The following GPM6A variants were observed in gnomAD, a reference collection of about 807,000 sequenced individuals.
GPM6A encodes glycoprotein M6A.
Under a neutral mutation model 32.1 loss-of-function variants are expected in GPM6A, and 7 were observed. The observed-to-expected ratio is 0.22, with a 90% CI of 0.12 to 0.41. The LOEUF is 0.41. GPM6A is among the 10% of genes least tolerant of loss of function. The pLI, the probability that GPM6A is intolerant of heterozygous loss-of-function variation, is 1.00. For missense variants in GPM6A, 235 were observed against 347.2 expected, an observed-to-expected ratio of 0.68 and a Z score of 2.57; for synonymous variants, 130 against 123.4, an observed-to-expected ratio of 1.05 and a Z score of -0.35.
intron 1 of GPM6A, among the ~76,000 whole-genome samples, chr4:175,773,891 A>G (rs971340513): frequency 6.6e-6 from 1 of 152,170 alleles, no homozygotes; most frequent in African/African-American, 2.4e-5. Flanking sequence ...CAATACACAA[A>G]TTGTCAAACC....
chr4:175,805,129 T>A (rs972058646), intron 1 of GPM6A, among the ~76,000 whole-genome samples: 5 of 151,848 alleles, frequency 3.3e-5, no homozygotes, highest in Non-Finnish European at 7.4e-5. Context: ...CTCAAAAAAT[T>A]TTTTTTTCAA....
At chr4:175,919,507 C>A (rs1165966822) in intron 1 of GPM6A, among the ~76,000 whole-genome samples, 1 of 152,158 alleles carries the variant, frequency 6.6e-6, no homozygotes, top group Non-Finnish European at 1.5e-5. Flanking sequence ...TTAATTAAAA[C>A]CATCAGTGAA....
At chr4:175,980,350 C>T (rs906347823) in intron 1 of GPM6A, among the ~76,000 whole-genome samples, 1 of 152,112 alleles carries the variant, frequency 6.6e-6, no homozygotes, top group African/African-American at 2.4e-5. Context: ...GAGTGAGACC[C>T]TGTCTCAAAA....
chr4:175,930,671 T>A (rs1454219059), intron 1 of GPM6A, among the ~76,000 whole-genome samples: 2 of 152,110 alleles, frequency 1.3e-5, no homozygotes, highest in Non-Finnish European at 2.9e-5. Context: ...ATTCAAATAA[T>A]TTGAAGACTT....
intron 1 of GPM6A, among the ~76,000 whole-genome samples, chr4:175,819,804 A>G (rs942672939): frequency 6.6e-6 from 1 of 152,194 alleles, no homozygotes; most frequent in Non-Finnish European, 1.5e-5. Flanking sequence ...CACAACATGA[A>G]TATTTGTATT....
At chr4:175,745,782 G>T (rs4146675) in intron 1 of GPM6A, among the ~76,000 whole-genome samples, 52,490 of 152,128 alleles carry the variant, frequency 0.35, 11,196 homozygotes, top group Non-Finnish European at 0.47. Context: ...CAAGGTGTAC[G>T]TTGCGAAGTA....
At chr4:175,721,566 G>C (rs2111116944) in intron 1 of GPM6A, among the ~76,000 whole-genome samples, 1 of 152,200 alleles carries the variant, frequency 6.6e-6, no homozygotes, top group East Asian at 1.9e-4. Context: ...TACAGCTGCT[G>C]TACAAACTTA....
chr4:175,810,071 C>A (rs1734854573), intron 1 of GPM6A, among the ~76,000 whole-genome samples: 1 of 152,144 alleles, frequency 6.6e-6, no homozygotes, highest in African/African-American at 2.4e-5. Context: ...AGAACTAACA[C>A]AAAATGCTGC....
intron 1 of GPM6A, among the ~76,000 whole-genome samples, chr4:175,765,913 G>A (rs542293112): frequency 1.3e-4 from 20 of 152,162 alleles, no homozygotes; most frequent in Admixed American, 5.2e-4. Context: ...ACCATTCTCC[G>A]TTTAACAACG....
intron 1 of GPM6A, among the ~76,000 whole-genome samples, chr4:175,762,401 A>G (rs1359657869): frequency 6.6e-6 from 1 of 152,180 alleles, no homozygotes; most frequent in South Asian, 2.1e-4. Flanking sequence ...ACCCAACAAC[A>G]TTTAGACTAG....
At chr4:175,817,715 G>A (rs780320350) in intron 1 of GPM6A, among the ~76,000 whole-genome samples, 1 of 152,170 alleles carries the variant, frequency 6.6e-6, no homozygotes, top group Non-Finnish European at 1.5e-5. Flanking sequence ...AATACATGAA[G>A]GCCTATGGAG....
intron 1 of GPM6A, among the ~76,000 whole-genome samples, chr4:175,758,078 C>A (rs915097999): frequency 4.6e-5 from 7 of 152,126 alleles, no homozygotes; most frequent in African/African-American, 1.7e-4. Flanking sequence ...AGGCCTCTGC[C>A]AGTTGTGGCC....
chr4:175,705,038 T>C (rs1258676390), intron 1 of GPM6A, among the ~76,000 whole-genome samples: 1 of 152,224 alleles, frequency 6.6e-6, no homozygotes, highest in Non-Finnish European at 1.5e-5. Context: ...TTCTCCACTC[T>C]ACTTTAAATG....
chr4:175,925,088 T>C (rs576793616), intron 1 of GPM6A, among the ~76,000 whole-genome samples: 3 of 152,316 alleles, frequency 2.0e-5, no homozygotes, highest in African/African-American at 7.2e-5. Flanking sequence ...CCAGGGATCA[T>C]AATAATTACT....
chr4:175,989,920 T>C (rs1027960927), intron 1 of GPM6A, among the ~76,000 whole-genome samples: 1 of 152,204 alleles, frequency 6.6e-6, no homozygotes, highest in Non-Finnish European at 1.5e-5. Flanking sequence ...ACGAAGGCCA[T>C]GTGGCATAGC....
chr4:175,905,623 T>G (rs1423849299), intron 1 of GPM6A, among the ~76,000 whole-genome samples: 1 of 152,108 alleles, frequency 6.6e-6, no homozygotes, highest in African/African-American at 2.4e-5. Flanking sequence ...GGTAGAAGTC[T>G]TTTCAATGTT....
intron 1 of GPM6A, among the ~76,000 whole-genome samples, chr4:175,872,260 T>G (rs1351405798): frequency 3.3e-5 from 5 of 152,200 alleles, no homozygotes; most frequent in African/African-American, 1.2e-4. Flanking sequence ...GAACCAACTC[T>G]GCACCGTGGT....
chr4:175,859,593 C>CA (rs1392661958), intron 1 of GPM6A, among the ~76,000 whole-genome samples: 2 of 152,082 alleles, frequency 1.3e-5, no homozygotes, highest in African/African-American at 2.4e-5. Context: ...AATGTCCTTC[C>CA]ATGCTACAGA....
At chr4:175,946,354 C>T (rs1739606137) in intron 1 of GPM6A, among the ~76,000 whole-genome samples, 1 of 152,174 alleles carries the variant, frequency 6.6e-6, no homozygotes, top group Non-Finnish European at 1.5e-5. Flanking sequence ...ATATCAAGCA[C>T]CTGCCTTGTG....
Sources: allele counts gnomAD v4.1 joint callset (sites outside exome capture counted in the v4.1 genomes callset), GRCh38; gene constraint gnomAD v4.1.1; transcripts MANE v1.5; gene names NCBI Gene and HGNC (gene_info 2026-07-23, HGNC 2026-07-21).